Variants in ST7 observed in about 807,000 individuals in gnomAD.
ST7 encodes suppressor of tumorigenicity 7 protein.
ST7 carries 28 observed loss-of-function variants against 78.7 expected under a neutral mutation model. The observed-to-expected ratio is 0.36, with a 90% CI of 0.26 to 0.49. ST7 has a LOEUF of 0.49. ST7 is among the 20% of genes least tolerant of loss of function. ST7 has a pLI of 0.99. For synonymous variants in ST7, 247 were observed against 249.6 expected (o/e 0.99, Z 0.10); for missense variants, 418 against 696.0 (o/e 0.60, Z 4.49).
chr7:116,966,626 C>A (rs975903752), intron 1 of ST7, among the ~76,000 whole-genome samples: 2 of 152,186 alleles, frequency 1.3e-5, no homozygotes, highest in South Asian at 4.1e-4. Flanking sequence ...TTATGGAAAT[C>A]TCTTTTTAGT....
intron 2 of ST7, among the ~76,000 whole-genome samples, chr7:117,108,488 C>T (rs1425206398): frequency 1.3e-5 from 2 of 152,158 alleles, no homozygotes; most frequent in African/African-American, 4.8e-5. Context: ...GTTTTGGTGA[C>T]TGTGGCCTTA....
At chr7:117,135,992 TA>T (rs1804761058) in intron 7 of ST7, 88 bp from the exon 8 acceptor site, 2 of 1,460,256 alleles carry the variant, frequency 1.4e-6, no homozygotes, top group Admixed American at 2.1e-5. Context: ...TGTTTTGGCG[TA>T]ACTCCTTGCC....
intron 1 of ST7, among the ~76,000 whole-genome samples, chr7:116,973,089 C>T (rs1407655113): frequency 1.3e-5 from 2 of 151,850 alleles, no homozygotes; most frequent in Admixed American, 6.6e-5. Flanking sequence ...TTTCATTGTT[C>T]ACATTTTTCC....
At chr7:117,197,465 T>C (rs1810424420) in intron 12 of ST7, among the ~76,000 whole-genome samples, 1 of 152,218 alleles carries the variant, frequency 6.6e-6, no homozygotes, top group Non-Finnish European at 1.5e-5. Flanking sequence ...TACTAAGTCA[T>C]GTGTAGAAGC....
intron 1 of ST7, among the ~76,000 whole-genome samples, chr7:117,000,931 C>T (rs1794906366): frequency 6.6e-6 from 1 of 152,186 alleles, no homozygotes; most frequent in African/African-American, 2.4e-5. Flanking sequence ...CTGAAAAACC[C>T]AGACATCTGG....
chr7:117,167,360 A>G (rs1309506678), intron 9 of ST7, among the ~76,000 whole-genome samples: 2 of 145,578 alleles, frequency 1.4e-5, no homozygotes, highest in African/African-American at 5.1e-5. Flanking sequence ...TTAAATATCA[A>G]CTCTCGGGGG....
intron 2 of ST7, among the ~76,000 whole-genome samples, chr7:117,103,395 A>G (rs1801710336): frequency 6.6e-6 from 1 of 152,246 alleles, no homozygotes; most frequent in African/African-American, 2.4e-5. Context: ...GTACTGGCAT[A>G]AAAACAGACA....
At chr7:117,014,955 T>C (rs768869566) in intron 1 of ST7, 2 of 1,341,526 alleles carry the variant, frequency 1.5e-6, no homozygotes, top group South Asian at 4.4e-5. Flanking sequence ...TTCTGGCTGA[T>C]AGAGTTGTAC....
chr7:117,170,219 C>T (rs983862562), intron 9 of ST7, among the ~76,000 whole-genome samples: 8 of 152,232 alleles, frequency 5.3e-5, no homozygotes, highest in East Asian at 3.9e-4. Flanking sequence ...GGCATTTTAT[C>T]TTTCTTGAGC....
intron 1 of ST7, among the ~76,000 whole-genome samples, chr7:116,990,875 A>G (rs1244171042): frequency 6.6e-6 from 1 of 152,232 alleles, no homozygotes; most frequent in Admixed American, 6.5e-5. Flanking sequence ...TTTAAAATTA[A>G]TGTAACATTC....
chr7:116,988,553 T>G (rs901120925), intron 1 of ST7, among the ~76,000 whole-genome samples: 3 of 152,346 alleles, frequency 2.0e-5, no homozygotes, highest in South Asian at 2.1e-4. Flanking sequence ...CAGTGTATTT[T>G]AATAATATTA....
intron 7 of ST7, among the ~76,000 whole-genome samples, chr7:117,134,616 C>T (rs1048615814): frequency 2.6e-5 from 4 of 152,032 alleles, no homozygotes; most frequent in Admixed American, 6.6e-5. Flanking sequence ...ACTGTATCTA[C>T]CACTCAGTAT....
chr7:116,987,537 T>A (rs1794239024), intron 1 of ST7, among the ~76,000 whole-genome samples: 1 of 152,234 alleles, frequency 6.6e-6, no homozygotes, highest in South Asian at 2.1e-4. Context: ...TCAGACATAC[T>A]GATTTTCCAT....
At chr7:116,973,002 T>G (rs1457859798) in intron 1 of ST7, 1 of 725,880 alleles carries the variant, frequency 1.4e-6, no homozygotes, top group Non-Finnish European at 2.4e-6. Flanking sequence ...GTTTATTCAC[T>G]TATCCATTCA....
intron 1 of ST7, among the ~76,000 whole-genome samples, chr7:116,991,905 A>T (rs1430118618): frequency 6.6e-6 from 1 of 152,192 alleles, no homozygotes; most frequent in Non-Finnish European, 1.5e-5. Flanking sequence ...TGGCCAAAAC[A>T]AAGGGGTTAC....
intron 1 of ST7, among the ~76,000 whole-genome samples, chr7:117,043,283 G>T (rs940729925): frequency 6.6e-6 from 1 of 152,146 alleles, no homozygotes; most frequent in African/African-American, 2.4e-5. Context: ...GAATAAAGAT[G>T]AATTATTTTT....
intron 12 of ST7, among the ~76,000 whole-genome samples, chr7:117,192,158 T>C (rs573973112): frequency 2.7e-4 from 41 of 152,354 alleles, no homozygotes; most frequent in African/African-American, 9.6e-4. Context: ...ATTTTTCACC[T>C]AAGATAAAAA....
intron 1 of ST7, among the ~76,000 whole-genome samples, chr7:117,096,488 G>A (rs1371357961): frequency 6.6e-6 from 1 of 152,186 alleles, no homozygotes; most frequent in Non-Finnish European, 1.5e-5. Context: ...AAAGGCTGCT[G>A]TAGTTTCCTT....
intron 1 of ST7, among the ~76,000 whole-genome samples, chr7:117,002,340 A>G (rs1011297391): frequency 3.3e-5 from 5 of 152,052 alleles, no homozygotes; most frequent in African/African-American, 9.7e-5. Flanking sequence ...TGATCCTCCT[A>G]CCTCAGCCTC....
Sources: gnomAD v4.1 joint callset for allele counts (sites outside exome capture counted in the v4.1 genomes callset) on GRCh38, gnomAD v4.1.1 for gene constraint, MANE v1.5 for transcripts, NCBI Gene and HGNC (gene_info 2026-07-23, HGNC 2026-07-21) for gene names.